PLCE1: variants seen among roughly 807,000 people sequenced by gnomAD.
PLCE1 encodes the protein 1-phosphatidylinositol 4,5-bisphosphate phosphodiesterase epsilon-1.
A neutral mutation model predicts 242.8 loss-of-function variants in PLCE1; 119 were observed. That is an observed-to-expected ratio of 0.49 (90% confidence interval 0.42 to 0.57). PLCE1 has a LOEUF of 0.57. Among genes scored for constraint, PLCE1 ranks in the 20% least tolerant of loss-of-function variants. The pLI is 0.00. For synonymous variants in PLCE1, 945 were observed against 1,017.4 expected, an observed-to-expected ratio of 0.93 and a Z score of 1.35; for missense variants, 2,441 against 2,788.8, an observed-to-expected ratio of 0.88 and a Z score of 2.81.
chr10:94,289,225 TGG>T (rs1405191875), intron 22 of PLCE1, among the ~76,000 whole-genome samples: 1 of 152,020 alleles, frequency 6.6e-6, no homozygotes, highest in Admixed American at 6.6e-5. Context: ...CTATAGTGAC[TGG>T]GTAAGATGAG....
At chr10:94,274,429 A>G (rs1198738379) in intron 19 of PLCE1, among the ~76,000 whole-genome samples, 1 of 152,234 alleles carries the variant, frequency 6.6e-6, no homozygotes, top group Admixed American at 6.5e-5. Context: ...CTAAACATAC[A>G]GAAACCAGTT....
intron 4 of PLCE1, among the ~76,000 whole-genome samples, chr10:94,180,767 G>A (rs138689093): frequency 6.6e-6 from 1 of 152,280 alleles, no homozygotes; most frequent in African/African-American, 2.4e-5. Flanking sequence ...TGGGATTAAG[G>A]CCCTTGTAAA....
intron 9 of PLCE1, among the ~76,000 whole-genome samples, chr10:94,253,380 G>T (rs764808753): frequency 6.6e-6 from 1 of 152,098 alleles, no homozygotes; most frequent in African/African-American, 2.4e-5. Flanking sequence ...TAGAAACAGG[G>T]TCTTGCTCTG....
intron 2 of PLCE1, among the ~76,000 whole-genome samples, chr10:94,117,392 C>G (rs74151046): frequency 6.6e-6 from 1 of 152,314 alleles, no homozygotes; most frequent in South Asian, 2.1e-4. Flanking sequence ...TGACTGTCTT[C>G]TTTGACTCCT....
chr10:94,205,687 G>T (rs1018388831), intron 4 of PLCE1, among the ~76,000 whole-genome samples: 11 of 152,202 alleles, frequency 7.2e-5, no homozygotes, highest in Non-Finnish European at 1.5e-4. Context: ...TCCAGGATGA[G>T]CAGCCCCAAA....
chr10:94,316,412 TC>T (rs2053574968), intron 28 of PLCE1, 134 bp from the exon 29 acceptor site: 1 of 659,544 alleles, frequency 1.5e-6, no homozygotes, highest in South Asian at 1.6e-5. Context: ...TCTTAGATCT[TC>T]CAAAAAGAAT....
At chr10:94,018,647 T>A (rs1222971077) in intron 1 of PLCE1, among the ~76,000 whole-genome samples, 1 of 152,188 alleles carries the variant, frequency 6.6e-6, no homozygotes, top group Admixed American at 6.5e-5. Flanking sequence ...ATTCTCTAAC[T>A]TTTTTACTAC....
In PLCE1 at chr10:94,298,878, G is replaced by A. The variant is rs141267719; in HGVS notation, c.5458+209G>A. ...AGGTGATAGAAAAGAATCTTGAAGG[G>A]GCCTGTAAGGTCTCCTGGTCCTGCC... On this transcript the variant is annotated intron_variant, in intron 24 of 32. Coordinates refer to ENST00000371380, the MANE Select transcript of PLCE1 (RefSeq NM_016341.4). The surrounding 1 kb of genome is among the most constrained non-coding windows in gnomAD (Gnocchi z 5.2). 2.4e-4 allele frequency among the ~76,000 whole-genome samples: 36 copies of A among 152,204 alleles called. No homozygotes were observed. Among genetic ancestry groups the A allele is most frequent in the African/African-American group, 8.4e-4 (35 of 41,520 alleles).
chr10:94,031,388 G>A lies in PLCE1; in HGVS notation c.342G>A (p.Gln114=). Residue 114 remains glutamine (Q), a synonymous_variant, in exon 2 of 33, where the codon CAG becomes CAA. Coordinates refer to ENST00000371380, the MANE Select transcript of PLCE1 (RefSeq NM_016341.4). ...GCAACAACATATTGAGAAACCATCAGCATGGCCTTCCTCAGAGACAATTTT... is the reference window on the plus strand; with the variant it reads ...GCAACAACATATTGAGAAACCATCAACATGGCCTTCCTCAGAGACAATTTT... ...INCNNILRNH[Q]HGLPQRQFYE... 1 of 1,613,896 alleles carries A rather than the reference G, an allele frequency of 6.2e-7. No individual in the cohort carries two copies. The highest frequency in any genetic ancestry group is 8.5e-7 in the Non-Finnish European group (1 of 1,179,876).
At position 94,254,269 on chromosome 10, in the gene PLCE1, G is replaced by T. The variant is rs372493357; in HGVS notation, c.3359G>T (p.Gly1120Val). The T allele has an allele frequency of 1.4e-5, 23 of 1,613,784 alleles. No homozygotes were observed. The highest frequency in any genetic ancestry group is 1.9e-5 in the Non-Finnish European group (23 of 1,179,844). The change falls in exon 10 of 33, where the codon GGT (glycine) becomes GTT (valine). Residue 1120 changes from glycine (G) to valine (V), a missense_variant. Gly to Val is a moderately radical substitution (Grantham distance 109). This residue lies in a region of PLCE1 where 1,004 missense variants were observed against 1,322.7 expected (regional missense o/e 0.76). Transcript: ENST00000371380. ...KMHKECRSRS[G>V]SDPQDINEQE... ...CACAAAGAGTGTCGAAGCCGGAGTG[G>T]TTCTGATCCTCAAGACATTAATGAA...
At chr10:94,311,091 T>C (rs749568153) in intron 27 of PLCE1, among the ~76,000 whole-genome samples, 13 of 152,186 alleles carry the variant, frequency 8.5e-5, no homozygotes, top group Non-Finnish European at 1.3e-4. Context: ...GAACAAGGTA[T>C]GGGAGGAGGA....
intron 4 of PLCE1, among the ~76,000 whole-genome samples, chr10:94,173,274 G>T (rs961771830): frequency 3.3e-5 from 5 of 152,262 alleles, no homozygotes; most frequent in Admixed American, 2.0e-4. Flanking sequence ...TGCTAAAACT[G>T]CAGATTCCTG....
chr10:94,062,555 A>C (rs2134981659), intron 2 of PLCE1, among the ~76,000 whole-genome samples: 1 of 150,030 alleles, frequency 6.7e-6, no homozygotes, highest in East Asian at 2.0e-4. Flanking sequence ...ACACTCAATA[A>C]GTGTTAGTTA....
At position 94,316,516 on chromosome 10, in the gene PLCE1, A is replaced by G. The variant is rs2133793971; in HGVS notation, c.6133-31A>G. Reference sequence around the variant, plus strand: ...TTGATTTGTTTTAAGTTTTTGCCTCACTCCTCAGTTTGCCTTCACTTTTTC... The same window carrying G: ...TTGATTTGTTTTAAGTTTTTGCCTCGCTCCTCAGTTTGCCTTCACTTTTTC... On this transcript the variant is annotated intron_variant, in intron 28 of 32. Transcript: ENST00000371380. 2.8e-6 allele frequency: 4 copies of G among 1,443,340 alleles called. No individual in the cohort carries two copies. The African/African-American group carries it at 5.6e-5, about 20-fold the overall frequency. The allele number at this position is 1,443,340 out of a possible 1,614,324, so 89.4% of individuals were successfully genotyped here.
At chr10:94,286,772 A>G (rs1213494205) in intron 22 of PLCE1, 1 of 152,150 alleles carries the variant, frequency 6.6e-6, no homozygotes, top group African/African-American at 2.4e-5. Context: ...ACCTCATGGC[A>G]TATAAGTACA....
rs757367313 is a variant in PLCE1, at chr10:94,265,974, C to T, written c.4281+16C>T. On this transcript the variant is annotated intron_variant, in intron 16 of 32. Transcript: ENST00000371380. ...CTACAGCCAGGTACAGGGAATGCCA[C>T]TTGGAATGTGGTTTTTATTAAACCT... is the stretch of plus-strand genomic sequence containing the variant. The T allele has an allele frequency of 2.4e-5, 38 of 1,612,870 alleles. No homozygotes were observed. The Admixed American group carries it at 5.5e-4, about 23-fold the overall frequency.
intron 23 of PLCE1, among the ~76,000 whole-genome samples, chr10:94,295,217 T>G (rs1351183690): frequency 6.6e-6 from 1 of 151,856 alleles, no homozygotes; most frequent in Non-Finnish European, 1.5e-5. Flanking sequence ...CGCCCGGCCA[T>G]GGTAGAACTT....
At chr10:94,320,466 G>A (rs1589538947) in intron 29 of PLCE1, among the ~76,000 whole-genome samples, 1 of 152,184 alleles carries the variant, frequency 6.6e-6, no homozygotes. Context: ...CAGTTTTGGC[G>A]CCACCTGGTG....
chr10:94,035,728 G>A (rs776979378), intron 2 of PLCE1, among the ~76,000 whole-genome samples: 3 of 152,142 alleles, frequency 2.0e-5, no homozygotes, highest in Admixed American at 6.5e-5. Flanking sequence ...ATTTTCTAAG[G>A]TATGGTGTTC....
Sources: allele counts gnomAD v4.1 joint callset (sites outside exome capture counted in the v4.1 genomes callset), GRCh38; gene constraint gnomAD v4.1.1; regional missense constraint gnomAD v4.1.1; non-coding constraint Gnocchi (gnomAD v3.1); transcripts MANE v1.5; gene names NCBI Gene and HGNC (gene_info 2026-07-23, HGNC 2026-07-21).